MAML3: variants seen among roughly 807,000 people sequenced by gnomAD.
MAML3 encodes mastermind like transcriptional coactivator 3, also known as mastermind-like protein 3.
MAML3 carries 27 observed loss-of-function variants against 101.9 expected under a neutral mutation model. The observed-to-expected ratio is 0.27, with a 90% CI of 0.20 to 0.37. MAML3 has a LOEUF of 0.37. MAML3 is among the 10% of genes least tolerant of loss of function. The probability of loss-of-function intolerance (pLI) is 1.00; values close to 1 mark genes in which losing one functional copy is unlikely to be tolerated. For missense variants in MAML3, 1,316 were observed against 1,444.9 expected (o/e 0.91, Z 1.45); for synonymous variants, 501 against 555.9 (o/e 0.90, Z 1.39).
Position 139,890,264 on chromosome 4 carries a change from G to A in MAML3, c.1172C>T (p.Ala391Val). 6.2e-7 allele frequency: 1 copy of A among 1,613,908 alleles called. No individual in the cohort carries two copies. The highest frequency in any genetic ancestry group is 8.5e-7 in the Non-Finnish European group (1 of 1,179,890). Residue 391 changes from alanine to valine, a missense_variant, in exon 2 of 5, where the codon GCC becomes GTC. Coordinates refer to ENST00000509479, the MANE Select transcript of MAML3 (RefSeq NM_018717.5). This position sits in a 1 kb window ranked among gnomAD's most constrained non-coding sequence, Gnocchi z 4.1. ...GCTGGCAACAGAAGGTAAACTAGTG[G>A]CCGTGGAGACAGTAGAAAAGGGAGG... ...SGPPFSTVSTATSLPSVASTP... is the reference protein window; with the variant it reads ...SGPPFSTVSTVTSLPSVASTP...
chr4:139,882,667 G>A (rs1732243408), intron 2 of MAML3, among the ~76,000 whole-genome samples: 1 of 152,118 alleles, frequency 6.6e-6, no homozygotes, highest in Non-Finnish European at 1.5e-5. Flanking sequence ...TGGCCAATAT[G>A]GTGAAATTCT....
chr4:139,741,286 G>C (rs556082701), intron 2 of MAML3, among the ~76,000 whole-genome samples: 1 of 152,166 alleles, frequency 6.6e-6, no homozygotes, highest in Non-Finnish European at 1.5e-5. Context: ...CTCATACCTG[G>C]TCCGTGAGGG....
chr4:139,763,424 C>T (rs1488460309), intron 2 of MAML3, among the ~76,000 whole-genome samples: 3 of 152,090 alleles, frequency 2.0e-5, no homozygotes, highest in Non-Finnish European at 4.4e-5. Context: ...ACGAGAAGTA[C>T]GGAGCTAAAG....
intron 1 of MAML3, among the ~76,000 whole-genome samples, chr4:140,037,770 T>G (rs965495786): frequency 1.3e-5 from 2 of 152,260 alleles, no homozygotes; most frequent in Non-Finnish European, 2.9e-5. Flanking sequence ...TTTCAACGCA[T>G]GTTAAACTGT....
chr4:139,749,756 C>A (rs892361626), intron 2 of MAML3, among the ~76,000 whole-genome samples: 3 of 152,132 alleles, frequency 2.0e-5, no homozygotes, highest in Non-Finnish European at 4.4e-5. Flanking sequence ...CAAACAGGAG[C>A]TCTCACTACA....
intron 2 of MAML3, among the ~76,000 whole-genome samples, chr4:139,751,445 A>C (rs995936478): frequency 6.6e-6 from 1 of 152,236 alleles, no homozygotes; most frequent in Non-Finnish European, 1.5e-5. Flanking sequence ...AATTACATAC[A>C]ATATTTTAAA....
chr4:140,092,584 A>G (rs1304180761), intron 1 of MAML3, among the ~76,000 whole-genome samples: 3 of 151,678 alleles, frequency 2.0e-5, no homozygotes, highest in Non-Finnish European at 2.9e-5. Flanking sequence ...CTGCTCACTC[A>G]CTCATCGTGG....
At chr4:139,993,267 G>A (rs532294296) in intron 1 of MAML3, among the ~76,000 whole-genome samples, 11 of 151,088 alleles carry the variant, frequency 7.3e-5, no homozygotes, top group Admixed American at 1.3e-4. Context: ...CAGGAGAATC[G>A]CTTGAACCCA....
At chr4:139,828,591 T>C (rs13112683) in intron 2 of MAML3, among the ~76,000 whole-genome samples, 1 of 151,838 alleles carries the variant, frequency 6.6e-6, no homozygotes, top group Non-Finnish European at 1.5e-5. Context: ...GCCAAGCAAA[T>C]GAACAAATAG....
intron 1 of MAML3, among the ~76,000 whole-genome samples, chr4:140,047,996 CT>C (rs1727209475): frequency 6.6e-6 from 1 of 152,140 alleles, no homozygotes; most frequent in Non-Finnish European, 1.5e-5. Flanking sequence ...CAGGAATTCC[CT>C]TTTGCTTAAT....
chr4:139,996,319 C>T (rs1310934465), intron 1 of MAML3, among the ~76,000 whole-genome samples: 1 of 152,128 alleles, frequency 6.6e-6, no homozygotes, highest in African/African-American at 2.4e-5. Context: ...AGAGAAAGCC[C>T]TGCTTTCTAG....
intron 2 of MAML3, among the ~76,000 whole-genome samples, chr4:139,850,314 TCACTCTG>T (rs1305312303): frequency 1.3e-5 from 2 of 152,198 alleles, no homozygotes; most frequent in African/African-American, 4.8e-5. Flanking sequence ...CCAGTTAATC[TCACTCTG>T]CATGACTAAG....
intron 1 of MAML3, among the ~76,000 whole-genome samples, chr4:140,110,952 AT>A (rs1180583661): frequency 1.3e-5 from 2 of 152,176 alleles, no homozygotes; most frequent in Non-Finnish European, 2.9e-5. Flanking sequence ...GAGTGATGTA[AT>A]TTTTTAGAAA....
intron 1 of MAML3, among the ~76,000 whole-genome samples, chr4:140,125,461 A>G (rs1466164901): frequency 2.6e-5 from 4 of 152,230 alleles, no homozygotes; most frequent in Non-Finnish European, 5.9e-5. Flanking sequence ...TCAAAAAAAT[A>G]AAGACGTTTA....
At chr4:140,008,870 A>G (rs997226943) in intron 1 of MAML3, among the ~76,000 whole-genome samples, 2 of 152,216 alleles carry the variant, frequency 1.3e-5, no homozygotes, top group Non-Finnish European at 2.9e-5. Context: ...ATCCATGTGT[A>G]TTATTTCGCC....
At chr4:139,928,613 T>C (rs1252063365) in intron 1 of MAML3, among the ~76,000 whole-genome samples, 1 of 151,662 alleles carries the variant, frequency 6.6e-6, no homozygotes, top group Admixed American at 6.6e-5. Context: ...ATAGCTTGAG[T>C]AAAAGCACAA....
intron 1 of MAML3, among the ~76,000 whole-genome samples, chr4:139,937,982 TA>T (rs764564251): frequency 6.6e-6 from 1 of 152,142 alleles, no homozygotes; most frequent in African/African-American, 2.4e-5. Flanking sequence ...CTAAAAAGAC[TA>T]ACACTGATTT....
At chr4:139,876,097 A>C (rs1402529307) in intron 2 of MAML3, among the ~76,000 whole-genome samples, 2 of 152,164 alleles carry the variant, frequency 1.3e-5, no homozygotes, top group African/African-American at 4.8e-5. Context: ...CTATAAGCAT[A>C]ACAGGCACAT....
intron 1 of MAML3, among the ~76,000 whole-genome samples, chr4:140,141,711 C>G (rs1728982782): frequency 1.3e-5 from 2 of 152,150 alleles, no homozygotes; most frequent in Admixed American, 1.3e-4. Flanking sequence ...GTGTTATTTG[C>G]CAAATACACG....
Sources: gnomAD v4.1 joint callset for allele counts (sites outside exome capture counted in the v4.1 genomes callset) on GRCh38, gnomAD v4.1.1 for gene constraint, Gnocchi (gnomAD v3.1) non-coding constraint, MANE v1.5 for transcripts, NCBI Gene and HGNC (gene_info 2026-07-23, HGNC 2026-07-21) for gene names.